Variants in ALDH1L2 observed in about 807,000 individuals in gnomAD.
The protein encoded by ALDH1L2 is aldehyde dehydrogenase 1 family member L2, also known as mitochondrial 10-formyltetrahydrofolate dehydrogenase.
In ALDH1L2, 91 loss-of-function variants were observed where a neutral mutation model predicts 111.0. That is an observed-to-expected ratio of 0.82 (90% CI 0.69 to 0.98). The LOEUF is 0.98. Ranked by LOEUF, ALDH1L2 falls within the 50% of genes least tolerant of loss-of-function variation. The pLI is 0.00. For synonymous variants in ALDH1L2, 374 were observed against 392.6 expected, an observed-to-expected ratio of 0.95 and a Z score of 0.56; for missense variants, 995 against 1,126.8, an observed-to-expected ratio of 0.88 and a Z score of 1.67.
chr12:105,084,143 C>T (rs538616612), intron 1 of ALDH1L2, among the ~76,000 whole-genome samples: 2 of 152,258 alleles, frequency 1.3e-5, no homozygotes, highest in South Asian at 4.1e-4. Context: ...AAACTGCATC[C>T]TCAGCCCCCT....
At chr12:105,027,051 T>A (rs1417872584) in intron 21 of ALDH1L2, among the ~76,000 whole-genome samples, 1 of 152,208 alleles carries the variant, frequency 6.6e-6, no homozygotes, top group East Asian at 1.9e-4. Flanking sequence ...TAAAAAAATT[T>A]TTTTGTAGAG....
chr12:105,078,767 C>A (rs868166558), intron 1 of ALDH1L2, among the ~76,000 whole-genome samples: 1 of 152,128 alleles, frequency 6.6e-6, no homozygotes, highest in Non-Finnish European at 1.5e-5. Flanking sequence ...GGTTAAGAGA[C>A]GAGAAGCCTT....
intron 1 of ALDH1L2, among the ~76,000 whole-genome samples, chr12:105,084,003 GTTCCATATGGC>G (rs1199117962): frequency 6.6e-6 from 1 of 152,144 alleles, no homozygotes; most frequent in Non-Finnish European, 1.5e-5. Context: ...GACAGTCTCG[GTTCCATATGGC>G]TCCAGCTCTT....
At chr12:105,042,910 G>A (rs780000580) in intron 15 of ALDH1L2, among the ~76,000 whole-genome samples, 24 of 152,134 alleles carry the variant, frequency 1.6e-4, no homozygotes, top group Non-Finnish European at 2.5e-4. Context: ...AAAAACCAAC[G>A]TCCATTCAGT....
chr12:105,062,761 C>T, intron 7 of ALDH1L2, 127 bp downstream of exon 7: 1 of 1,201,180 alleles, frequency 8.3e-7, no homozygotes, highest in Non-Finnish European at 1.1e-6. Flanking sequence ...GACACCTCAT[C>T]TCCATCAGGG....
At chr12:105,042,860 A>C (rs922558138) in intron 15 of ALDH1L2, among the ~76,000 whole-genome samples, 3 of 139,224 alleles carry the variant, frequency 2.2e-5, no homozygotes, top group Admixed American at 1.5e-4. Flanking sequence ...TAGCAATGCA[A>C]ATCTCCAAAG....
chr12:105,083,685 G>A (rs1878440094), intron 1 of ALDH1L2, among the ~76,000 whole-genome samples: 1 of 151,790 alleles, frequency 6.6e-6, no homozygotes, highest in African/African-American at 2.4e-5. Flanking sequence ...GCTGAAGGCA[G>A]CACCGCAGTG....
chr12:105,040,984 G>T (rs7956169), intron 15 of ALDH1L2, among the ~76,000 whole-genome samples: 48,146 of 152,036 alleles, frequency 0.32, 8,280 homozygotes, highest in South Asian at 0.5. Flanking sequence ...AGGAATATCT[G>T]TTTCTGAACT....
Position 105,061,734 on chromosome 12 carries a change from G to GC in ALDH1L2, c.939dup (p.Gln314AlafsTer3). The GC allele has an allele frequency of 6.2e-7, 1 of 1,614,036 alleles. No homozygotes were observed. The highest frequency in any genetic ancestry group is 8.5e-7 in the Non-Finnish European group (1 of 1,180,006). ...GGGATCATTTTTCCATCTTCAAACT[G>GC]CAGATTTCTCACCGTCAGCTACAAA... On this transcript the variant is annotated frameshift_variant, in exon 8 of 23. Transcript: ENST00000258494. LOFTEE classifies it high-confidence loss of function.
At chr12:105,050,150 G>A (rs1876164831) in intron 12 of ALDH1L2, 92 bp from the exon 13 acceptor site, 3 of 1,274,876 alleles carry the variant, frequency 2.4e-6, no homozygotes, top group African/African-American at 1.5e-5. Context: ...GAATTCAGAG[G>A]TAAACACATA....
chr12:105,049,938 T>C lies in ALDH1L2; in HGVS notation c.1656A>G (p.Arg552=), dbSNP rs762053176. 5.6e-6 allele frequency: 9 copies of C among 1,611,716 alleles called. No individual in the cohort carries two copies. Among genetic ancestry groups the C allele is most frequent in the Non-Finnish European group, 7.6e-6 (9 of 1,178,954 alleles). The part of the protein sequence containing the change: ...THIGMSVQTF[R]YFAGWCDKIQ... ...TTTTGTCGCACCAGCCAGCAAAATATCTGAATGTTTGCACAGACATTCCAA... is the reference window on the plus strand; with the variant it reads ...TTTTGTCGCACCAGCCAGCAAAATACCTGAATGTTTGCACAGACATTCCAA... Residue 552 remains arginine (R), a synonymous_variant, in exon 13 of 23, where the codon AGA becomes AGG. Coordinates refer to ENST00000258494, the MANE Select transcript of ALDH1L2 (RefSeq NM_001034173.4).
At chr12:105,070,147 C>T (rs898369509) in intron 3 of ALDH1L2, among the ~76,000 whole-genome samples, 3 of 152,234 alleles carry the variant, frequency 2.0e-5, no homozygotes, top group Middle Eastern at 3.4e-3. Flanking sequence ...ATTAAAAATC[C>T]GGCATAAACC....
intron 10 of ALDH1L2, among the ~76,000 whole-genome samples, chr12:105,056,974 A>G (rs1423311931): frequency 6.6e-6 from 1 of 151,514 alleles, no homozygotes; most frequent in African/African-American, 2.4e-5. Context: ...GTTTTCAGCA[A>G]ATCTACAGAA....
intron 10 of ALDH1L2, among the ~76,000 whole-genome samples, chr12:105,055,755 G>A (rs1280599419): frequency 6.6e-6 from 1 of 151,842 alleles, no homozygotes; most frequent in Non-Finnish European, 1.5e-5. Context: ...ATTTTAAAAA[G>A]AACCAAATAA....
intron 9 of ALDH1L2, among the ~76,000 whole-genome samples, chr12:105,058,787 T>C (rs1465391565): frequency 1.3e-5 from 2 of 152,194 alleles, no homozygotes; most frequent in Non-Finnish European, 2.9e-5. Flanking sequence ...ATTTCTTGAA[T>C]AGCAGTGGTG....
At chr12:105,036,510 TATTTTATATATA>T (rs1468017942) in intron 18 of ALDH1L2, among the ~76,000 whole-genome samples, 1 of 71,652 alleles carries the variant, frequency 1.4e-5, no homozygotes, top group Non-Finnish European at 2.8e-5. Flanking sequence ...TGTATATATA[TATTTTATATATA>T]TATATATATA....
Position 105,026,654 on chromosome 12 carries a change from A to C in ALDH1L2, c.2607T>G (p.Tyr869Ter). 6.2e-7 allele frequency: 1 copy of C among 1,614,210 alleles called. No homozygotes were observed. Among genetic ancestry groups the C allele is most frequent in the Non-Finnish European group, 8.5e-7 (1 of 1,180,032 alleles). Residue 869 changes from tyrosine (Y) to a stop codon, truncating the protein, a stop_gained, in exon 22 of 23, where the codon TAT becomes TAG. Transcript: ENST00000258494. LOFTEE classifies it high-confidence loss of function. The stretch of plus-strand genomic sequence containing the variant: ...TTCCTGCTTCCAGTTTTTCACTCAC[A>C]TACATAGCTTTGTTTATGTCTCTTG... The part of the protein sequence containing the change: ...VFTRDINKAM[Y>*]VSEKLEAGTV...
intron 6 of ALDH1L2, among the ~76,000 whole-genome samples, chr12:105,064,274 G>A (rs1359973827): frequency 6.6e-6 from 1 of 151,598 alleles, no homozygotes; most frequent in Non-Finnish European, 1.5e-5. Context: ...GAGCCACCAT[G>A]GCTGGCCAAC....
In ALDH1L2 at chr12:105,020,230, T is replaced by C. The variant is rs1055772752; in HGVS notation, c.*4194A>G. 3 of 152,198 alleles carry C rather than the reference T, an allele frequency of 2.0e-5. No homozygotes were observed. Among genetic ancestry groups the C allele is most frequent in the African/African-American group, 2.4e-5 (1 of 41,446 alleles). 9.4% of individuals were successfully genotyped at this position (152,198 alleles called of 1,614,324 possible). The stretch of plus-strand genomic sequence containing the variant: ...GCAGGTATGGGGAACCAAATTTGTT[T>C]CCTTACCCTAGCTCTAGCCATTTCC... On this transcript the variant is annotated 3_prime_UTR_variant, in exon 23 of 23. Coordinates refer to ENST00000258494, the MANE Select transcript of ALDH1L2 (RefSeq NM_001034173.4).
Sources: gnomAD v4.1 joint callset for allele counts (sites outside exome capture counted in the v4.1 genomes callset) on GRCh38, gnomAD v4.1.1 for gene constraint, MANE v1.5 for transcripts, NCBI Gene and HGNC (gene_info 2026-07-23, HGNC 2026-07-21) for gene names.